The following STK32B variants were observed in gnomAD, a reference collection of about 807,000 sequenced individuals.
STK32B encodes serine/threonine-protein kinase 32B.
In STK32B, 43 loss-of-function variants were observed where a neutral mutation model predicts 52.6. That is an observed-to-expected ratio of 0.82 (90% confidence interval 0.64 to 1.05). The LOEUF (loss-of-function observed/expected upper bound fraction) is 1.05, where lower values mean the gene tolerates loss of function less well. Ranked by LOEUF, STK32B falls within the 50% of genes least tolerant of loss-of-function variation. The pLI, the probability that STK32B is intolerant of heterozygous loss-of-function variation, is 0.00. For synonymous variants in STK32B, 238 were observed against 204.3 expected (o/e 1.17, Z -1.41); for missense variants, 621 against 534.6 (o/e 1.16, Z -1.59).
chr4:5,384,418 GT>G (rs1445620337), intron 4 of STK32B, among the ~76,000 whole-genome samples: 1 of 152,102 alleles, frequency 6.6e-6, no homozygotes, highest in Non-Finnish European at 1.5e-5. Flanking sequence ...GGTGCTGGAG[GT>G]TTGAAAAGAG....
the STK32B span, among the ~76,000 whole-genome samples, chr4:5,040,958 A>G: frequency 6.6e-6 from 1 of 152,232 alleles, no homozygotes; most frequent in South Asian, 2.1e-4. Flanking sequence ...AGAAAAATAC[A>G]GTAGTCTCAT....
intron 1 of STK32B, among the ~76,000 whole-genome samples, chr4:5,125,242 C>A (rs1715291103): frequency 6.6e-6 from 1 of 152,154 alleles, no homozygotes; most frequent in Non-Finnish European, 1.5e-5. Context: ...ACAGAGAACC[C>A]TGTTGATCCT....
At chr4:5,495,657 T>G (rs1244897531) in intron 11 of STK32B, among the ~76,000 whole-genome samples, 1 of 152,114 alleles carries the variant, frequency 6.6e-6, no homozygotes, top group African/African-American at 2.4e-5. Context: ...GCACTCTGCT[T>G]TTTAGAGTTT....
intron 3 of STK32B, among the ~76,000 whole-genome samples, chr4:5,243,035 G>A (rs1310498045): frequency 6.6e-6 from 1 of 152,062 alleles, no homozygotes; most frequent in Non-Finnish European, 1.5e-5. Context: ...TTGTTCTTTT[G>A]GCTTAGGATT....
chr4:5,078,274 A>G (rs774743193), intron 1 of STK32B, among the ~76,000 whole-genome samples: 4 of 152,148 alleles, frequency 2.6e-5, no homozygotes, highest in East Asian at 1.9e-4. Flanking sequence ...ACTTCCATAT[A>G]TGTCCTAGAT....
chr4:5,463,244 A>G (rs1481247092), intron 9 of STK32B, among the ~76,000 whole-genome samples: 1 of 152,252 alleles, frequency 6.6e-6, no homozygotes, highest in East Asian at 1.9e-4. Flanking sequence ...ATCTCGATGC[A>G]GTCCTGCACA....
chr4:5,413,569 A>G (rs529686781), intron 5 of STK32B, among the ~76,000 whole-genome samples: 52 of 152,380 alleles, frequency 3.4e-4, no homozygotes, highest in South Asian at 2.9e-3. Context: ...AAATTATAAG[A>G]GAAACAACAC....
intron 3 of STK32B, among the ~76,000 whole-genome samples, chr4:5,211,251 A>G (rs1467043409): frequency 6.6e-6 from 1 of 152,192 alleles, no homozygotes; most frequent in Non-Finnish European, 1.5e-5. Flanking sequence ...ACAAATACAC[A>G]TTACTCCTCA....
At chr4:5,132,703 G>T (rs964184026) in intron 1 of STK32B, among the ~76,000 whole-genome samples, 1 of 152,004 alleles carries the variant, frequency 6.6e-6, no homozygotes, top group Non-Finnish European at 1.5e-5. Flanking sequence ...ATAATAAATT[G>T]ATATTATTTA....
chr4:5,073,724 T>C (rs1218040646), intron 1 of STK32B, among the ~76,000 whole-genome samples: 1 of 152,072 alleles, frequency 6.6e-6, no homozygotes, highest in Non-Finnish European at 1.5e-5. Context: ...ACTGTCATTT[T>C]TGAAGAATAT....
intron 4 of STK32B, among the ~76,000 whole-genome samples, chr4:5,353,538 C>G (rs1426483454): frequency 7.5e-6 from 1 of 133,804 alleles, no homozygotes; most frequent in Non-Finnish European, 1.5e-5. Context: ...ACAAGGAACT[C>G]AACAGTAAAA....
chr4:5,498,571 T>C (rs757339997), intron 11 of STK32B, among the ~76,000 whole-genome samples: 7 of 152,176 alleles, frequency 4.6e-5, no homozygotes, highest in Non-Finnish European at 8.8e-5. Context: ...GAATGAATGA[T>C]ACCTGGGACT....
intron 3 of STK32B, among the ~76,000 whole-genome samples, chr4:5,311,915 T>TATA (rs1228362253): frequency 1.5e-5 from 2 of 135,496 alleles, no homozygotes; most frequent in African/African-American, 6.5e-5. Flanking sequence ...TATATATATA[T>TATA]TTTTTTTTAA....
chr4:5,041,843 G>C, the STK32B span, among the ~76,000 whole-genome samples: 1 of 150,954 alleles, frequency 6.6e-6, no homozygotes, highest in African/African-American at 2.4e-5. Context: ...CTGCCAAACA[G>C]AACATATTGA....
At chr4:5,241,440 G>A (rs1383303650) in intron 3 of STK32B, among the ~76,000 whole-genome samples, 1 of 152,150 alleles carries the variant, frequency 6.6e-6, no homozygotes, top group Non-Finnish European at 1.5e-5. Flanking sequence ...CACCTGGAGT[G>A]CAAACAACTG....
At chr4:5,216,144 C>G (rs1046201503) in intron 3 of STK32B, among the ~76,000 whole-genome samples, 1 of 152,116 alleles carries the variant, frequency 6.6e-6, no homozygotes, top group Admixed American at 6.5e-5. Flanking sequence ...TGTTAAAGAC[C>G]AGATCACTGG....
intron 4 of STK32B, among the ~76,000 whole-genome samples, chr4:5,341,145 T>C (rs946318483): frequency 6.6e-5 from 10 of 152,178 alleles, no homozygotes; most frequent in Non-Finnish European, 1.3e-4. Context: ...AATGAGCACA[T>C]ATGGATTTCA....
In STK32B at chr4:5,495,198, C is replaced by A. The variant is rs141892300; in HGVS notation, c.1107-3747C>A. 9.9e-3 allele frequency among the ~76,000 whole-genome samples: 1,514 copies of A among 152,310 alleles called. 24 individuals are homozygous for A. Among genetic ancestry groups the A allele is most frequent in the African/African-American group, 0.034 (1,402 of 41,538 alleles). On this transcript the variant is annotated intron_variant, in intron 11 of 11. Transcript: ENST00000282908. ...TCCAACTTGGTTCCGTTTTCCCTGT[C>A]ACTTTCAGGTACACCAATCAGACGT...
chr4:5,202,058 C>A (rs1219494092), intron 3 of STK32B, among the ~76,000 whole-genome samples: 1 of 152,178 alleles, frequency 6.6e-6, no homozygotes, highest in Non-Finnish European at 1.5e-5. Context: ...TCATCTGAGA[C>A]AAGGCAAGTC....
Sources: gnomAD v4.1 joint callset for allele counts (sites outside exome capture counted in the v4.1 genomes callset) on GRCh38, gnomAD v4.1.1 for gene constraint, MANE v1.5 for transcripts, NCBI Gene and HGNC (gene_info 2026-07-23, HGNC 2026-07-21) for gene names.